The following LRRTM4 variants were observed in gnomAD, a reference collection of about 807,000 sequenced individuals.
LRRTM4 encodes leucine-rich repeat transmembrane neuronal protein 4.
Under a neutral mutation model 47.6 loss-of-function variants are expected in LRRTM4, and 25 were observed. The ratio of observed to expected loss-of-function variants is 0.53; its 90% CI spans 0.38 to 0.73. The LOEUF is 0.73. Ranked by LOEUF, LRRTM4 falls within the 30% of genes least tolerant of loss-of-function variation. The pLI is 0.00. For missense variants in LRRTM4, 638 were observed against 713.4 expected (o/e 0.89, Z 1.20); for synonymous variants, 311 against 269.5 (o/e 1.15, Z -1.51).
intron 3 of LRRTM4, among the ~76,000 whole-genome samples, chr2:77,065,040 C>A (rs947230464): frequency 6.6e-6 from 1 of 152,014 alleles, no homozygotes; most frequent in South Asian, 2.1e-4. Flanking sequence ...TTTAACATAT[C>A]GATTCAACAC....
At chr2:76,957,752 C>T (rs1415648671) in intron 3 of LRRTM4, among the ~76,000 whole-genome samples, 1 of 151,460 alleles carries the variant, frequency 6.6e-6, no homozygotes, top group African/African-American at 2.4e-5. Flanking sequence ...GGTGTAAAAG[C>T]TTGAATATAA....
Position 77,293,809 on chromosome 2 carries a change from C to T in LRRTM4, c.1551+224509G>A, listed in dbSNP as rs570182290. Among the ~76,000 whole-genome samples the T allele has an allele frequency of 2.0e-5, 3 of 152,230 alleles. No homozygotes were observed. The South Asian group carries it at 6.2e-4, about 32-fold the overall frequency. ...TGGGACACTAATCCTCCCTTCCCTA[C>T]TATGGTAAGCCCTGGACCCTCATAA... On this transcript the variant is annotated intron_variant, in intron 3 of 3. Coordinates refer to ENST00000409884, the MANE Select transcript of LRRTM4 (RefSeq NM_001134745.3).
In LRRTM4 at chr2:76,910,447, G is replaced by A. The variant is rs1236620925; in HGVS notation, c.1552-161531C>T. ...ACCAGCATGGCACATGTATACATAT[G>A]AAACTAACCTGCACATTGTGCACAT... is the stretch of plus-strand genomic sequence containing the variant. On this transcript the variant is annotated intron_variant, in intron 3 of 3. Coordinates refer to ENST00000409884, the MANE Select transcript of LRRTM4 (RefSeq NM_001134745.3). 2.0e-5 allele frequency among the ~76,000 whole-genome samples: 3 copies of A among 152,068 alleles called. No homozygotes were observed. The East Asian group carries it at 5.8e-4, about 29-fold the overall frequency.
At chr2:77,070,592 T>A (rs1680119128) in intron 3 of LRRTM4, among the ~76,000 whole-genome samples, 1 of 152,202 alleles carries the variant, frequency 6.6e-6, no homozygotes, top group Non-Finnish European at 1.5e-5. Context: ...GTATCTTTTT[T>A]TATAACATTA....
At chr2:77,043,284 A>G (rs1679099147) in intron 3 of LRRTM4, among the ~76,000 whole-genome samples, 2 of 151,940 alleles carry the variant, frequency 1.3e-5, no homozygotes, top group South Asian at 4.1e-4. Context: ...CCACCAACTA[A>G]TAACTGACTT....
intron 3 of LRRTM4, among the ~76,000 whole-genome samples, chr2:76,780,874 C>T (rs1397613002): frequency 6.7e-6 from 1 of 149,130 alleles, no homozygotes; most frequent in Admixed American, 6.8e-5. Context: ...TCTGTTTTTT[C>T]CCCGTCTTTG....
intron 3 of LRRTM4, among the ~76,000 whole-genome samples, chr2:77,043,808 A>G (rs1679119451): frequency 6.6e-6 from 1 of 151,812 alleles, no homozygotes; most frequent in Admixed American, 6.6e-5. Context: ...AATAATAACT[A>G]ACGAATGTAA....
chr2:77,057,718 A>G (rs1211050620), intron 3 of LRRTM4, among the ~76,000 whole-genome samples: 2 of 152,180 alleles, frequency 1.3e-5, no homozygotes, highest in African/African-American at 4.8e-5. Context: ...TACTTTTTTA[A>G]AAGCTTTCAT....
rs893863929 is a variant in LRRTM4, at chr2:77,091,505, A to G, written c.1552-342589T>C. Among the ~76,000 whole-genome samples the G allele has an allele frequency of 6.0e-5, 9 of 151,218 alleles. 1 individual carries two copies. In the Middle Eastern group the frequency reaches 0.017, roughly 286 times the overall value. On this transcript the variant is annotated intron_variant, in intron 3 of 3. Coordinates refer to ENST00000409884, the MANE Select transcript of LRRTM4 (RefSeq NM_001134745.3). ...CCAGACAAGCCTTACAAGTTAGTTC[A>G]GGATCTGCGCCTTATCAACCAAATT...
At chr2:77,348,195 G>A (rs1046570667) in intron 3 of LRRTM4, among the ~76,000 whole-genome samples, 3 of 151,654 alleles carry the variant, frequency 2.0e-5, no homozygotes, top group Non-Finnish European at 4.4e-5. Context: ...TAACCATTTA[G>A]ATAAGTTGTA....
At chr2:76,904,296 G>C (rs942280809) in intron 3 of LRRTM4, among the ~76,000 whole-genome samples, 6 of 152,150 alleles carry the variant, frequency 3.9e-5, no homozygotes, top group African/African-American at 1.2e-4. Flanking sequence ...GTTTTTTAAA[G>C]AGTAGAAAAT....
intron 3 of LRRTM4, among the ~76,000 whole-genome samples, chr2:77,278,851 T>C (rs1406014981): frequency 1.3e-5 from 2 of 152,014 alleles, no homozygotes; most frequent in Admixed American, 6.6e-5. Flanking sequence ...GTCATGGCCT[T>C]CACCATTCAT....
intron 3 of LRRTM4, among the ~76,000 whole-genome samples, chr2:76,764,350 G>A (rs2104091550): frequency 6.6e-6 from 1 of 152,346 alleles, no homozygotes; most frequent in Admixed American, 6.5e-5. Context: ...TATAAACTGA[G>A]GCAGGGCGCA....
At chr2:77,153,032 GA>G (rs567404655) in intron 3 of LRRTM4, among the ~76,000 whole-genome samples, 2 of 151,650 alleles carry the variant, frequency 1.3e-5, no homozygotes, top group African/African-American at 2.4e-5. Flanking sequence ...ACTCTAAAAA[GA>G]AAAAAAAGCA....
chr2:77,286,708 T>C (rs570631124), intron 3 of LRRTM4, among the ~76,000 whole-genome samples: 63 of 152,062 alleles, frequency 4.1e-4, no homozygotes, highest in Non-Finnish European at 7.5e-4. Context: ...GATATGAGAC[T>C]CCAGTTTAGT....
intron 3 of LRRTM4, among the ~76,000 whole-genome samples, chr2:77,107,289 A>C (rs369806648): frequency 7.4e-6 from 1 of 134,446 alleles, no homozygotes. Flanking sequence ...ACAATGAACT[A>C]TATTACCTTT....
chr2:76,869,833 A>G (rs1672572591), intron 3 of LRRTM4, among the ~76,000 whole-genome samples: 1 of 152,170 alleles, frequency 6.6e-6, no homozygotes, highest in Non-Finnish European at 1.5e-5. Flanking sequence ...ACAACATACA[A>G]ATTTAAAATA....
chr2:76,969,112 G>A (rs1191127025), intron 3 of LRRTM4, among the ~76,000 whole-genome samples: 1 of 151,734 alleles, frequency 6.6e-6, no homozygotes, highest in East Asian at 2.0e-4. Flanking sequence ...TCAGAAACAT[G>A]TTTAAAGCTT....
intron 3 of LRRTM4, among the ~76,000 whole-genome samples, chr2:76,834,217 T>C (rs1392795162): frequency 6.6e-6 from 1 of 150,676 alleles, no homozygotes; most frequent in Non-Finnish European, 1.5e-5. Context: ...ATTTTTTTTT[T>C]TTTTTGTATT....
Sources: gnomAD v4.1 joint callset for allele counts (sites outside exome capture counted in the v4.1 genomes callset) on GRCh38, gnomAD v4.1.1 for gene constraint, MANE v1.5 for transcripts, NCBI Gene and HGNC (gene_info 2026-07-23, HGNC 2026-07-21) for gene names.